Variants in ZMAT4 observed in about 807,000 individuals in gnomAD.
ZMAT4 encodes zinc finger matrin-type 4.
Under a neutral mutation model 28.7 loss-of-function variants are expected in ZMAT4, and 17 were observed. The ratio of observed to expected loss-of-function variants is 0.59; its 90% CI spans 0.41 to 0.89. ZMAT4 has a LOEUF of 0.89. Among genes scored for constraint, ZMAT4 ranks in the 40% least tolerant of loss-of-function variants. The pLI is 0.00. For missense variants in ZMAT4, 240 were observed against 283.8 expected (o/e 0.85, Z 1.11); for synonymous variants, 117 against 109.2 (o/e 1.07, Z -0.44).
chr8:40,538,623 T>C (rs991851505), intron 6 of ZMAT4, among the ~76,000 whole-genome samples: 1 of 152,210 alleles, frequency 6.6e-6, no homozygotes, highest in South Asian at 2.1e-4. Context: ...AGTACCCCTC[T>C]TCTATTCACT....
intron 1 of ZMAT4, among the ~76,000 whole-genome samples, chr8:40,869,813 C>CCTGA (rs1261883351): frequency 3.3e-5 from 5 of 152,316 alleles, no homozygotes; most frequent in African/African-American, 1.2e-4. Context: ...GTTCCACACA[C>CCTGA]CTGAGCACCA....
intron 5 of ZMAT4, among the ~76,000 whole-genome samples, chr8:40,589,921 C>G (rs563444382): frequency 7.6e-6 from 1 of 131,172 alleles, no homozygotes; most frequent in Non-Finnish European, 1.7e-5. Context: ...TCCTCCCTCC[C>G]TCCCTCCCTC....
chr8:40,536,789 CA>C (rs1395162238), intron 6 of ZMAT4, among the ~76,000 whole-genome samples: 1 of 151,498 alleles, frequency 6.6e-6, no homozygotes, highest in Non-Finnish European at 1.5e-5. Context: ...GAGTGGAGAA[CA>C]AAACTTTAAG....
chr8:40,774,021 T>C (rs1586030102), intron 2 of ZMAT4, among the ~76,000 whole-genome samples: 2 of 152,064 alleles, frequency 1.3e-5, no homozygotes, highest in Non-Finnish European at 2.9e-5. Flanking sequence ...AACCTTGTGA[T>C]GGGAAAGTTT....
At chr8:40,732,763 C>A (rs1010630281) in intron 3 of ZMAT4, among the ~76,000 whole-genome samples, 2 of 150,090 alleles carry the variant, frequency 1.3e-5, no homozygotes, top group African/African-American at 4.9e-5. Context: ...GTGGCCTCAA[C>A]TGTGGGAAGA....
chr8:40,718,569 G>A (rs1304907231), intron 3 of ZMAT4, among the ~76,000 whole-genome samples: 1 of 152,116 alleles, frequency 6.6e-6, no homozygotes, highest in Non-Finnish European at 1.5e-5. Flanking sequence ...GGCAAAGGTG[G>A]AGGAAAAACA....
chr8:40,814,192 C>T (rs1361242034), intron 2 of ZMAT4, among the ~76,000 whole-genome samples: 2 of 152,208 alleles, frequency 1.3e-5, no homozygotes, highest in Non-Finnish European at 2.9e-5. Context: ...ATTAAATTCT[C>T]AAATCACAGC....
At chr8:40,846,555 C>T (rs1001691717) in intron 1 of ZMAT4, among the ~76,000 whole-genome samples, 1 of 152,204 alleles carries the variant, frequency 6.6e-6, no homozygotes, top group African/African-American at 2.4e-5. Flanking sequence ...TTTTCATTTC[C>T]TTTGATAAAT....
chr8:40,713,921 C>CAAAAAAAAAAAAAAAAAAAA (rs532317102), intron 3 of ZMAT4, among the ~76,000 whole-genome samples: 55 of 49,282 alleles, frequency 1.1e-3, no homozygotes, highest in Admixed American at 1.7e-3. Context: ...AAAACAAAAC[C>CAAAAAAAAAAAAAAAAAAAA]AAAAAAAAAA....
chr8:40,896,071 A>C (rs201763368), intron 1 of ZMAT4, among the ~76,000 whole-genome samples: 1,801 of 149,886 alleles, frequency 0.012, 35 homozygotes, highest in African/African-American at 0.036. Context: ...CACCCCCCCC[A>C]AAAAAAAAGT....
At chr8:40,838,914 T>G (rs906186664) in intron 1 of ZMAT4, among the ~76,000 whole-genome samples, 11 of 152,098 alleles carry the variant, frequency 7.2e-5, no homozygotes. Flanking sequence ...AATGAAAACA[T>G]CACAGCACCA....
intron 5 of ZMAT4, among the ~76,000 whole-genome samples, chr8:40,596,437 A>G (rs1805106806): frequency 6.6e-6 from 1 of 152,160 alleles, no homozygotes; most frequent in Non-Finnish European, 1.5e-5. Flanking sequence ...AAAACATTTT[A>G]TTTCCTTATA....
At chr8:40,646,775 C>T (rs530019430) in intron 5 of ZMAT4, among the ~76,000 whole-genome samples, 1 of 152,296 alleles carries the variant, frequency 6.6e-6, no homozygotes, top group South Asian at 2.1e-4. Context: ...CACTACTCCA[C>T]TTTCAATATG....
At chr8:40,783,459 G>T (rs1422737678) in intron 2 of ZMAT4, among the ~76,000 whole-genome samples, 1 of 152,182 alleles carries the variant, frequency 6.6e-6, no homozygotes, top group Non-Finnish European at 1.5e-5. Context: ...AGTGAGTTTA[G>T]GGGTTTTGGA....
chr8:40,756,445 TATATATATATATAC>T lies in ZMAT4; in HGVS notation c.192+11182_192+11195del, dbSNP rs200352468. Reference sequence around the variant, plus strand: ...GTTCTTTTATATATATATATATATATATATATATATATACACACTTGTATACCTGAAAAAGAGAT... The same window carrying T: ...GTTCTTTTATATATATATATATATATACACTTGTATACCTGAAAAAGAGAT... On this transcript the variant is annotated intron_variant, in intron 3 of 6. Coordinates refer to ENST00000297737, the MANE Select transcript of ZMAT4 (RefSeq NM_024645.3). Among the ~76,000 whole-genome samples the T allele has an allele frequency of 7.6e-4, 97 of 127,132 alleles. 10 individuals are homozygous for T. In the East Asian group the frequency reaches 0.016, roughly 22 times the overall value. The allele number at this position is 127,132 out of a possible 152,430, so 83.4% of individuals were successfully genotyped here.
chr8:40,667,379 C>T (rs1808463435), intron 5 of ZMAT4, among the ~76,000 whole-genome samples: 1 of 152,174 alleles, frequency 6.6e-6, no homozygotes. Flanking sequence ...TGGTCTCAGT[C>T]TCCTGACCTC....
intron 3 of ZMAT4, among the ~76,000 whole-genome samples, chr8:40,714,679 T>A (rs749172246): frequency 2.6e-5 from 4 of 152,162 alleles, no homozygotes; most frequent in African/African-American, 4.8e-5. Context: ...GACAAGTAAG[T>A]AAAATGTAGA....
intron 3 of ZMAT4, among the ~76,000 whole-genome samples, chr8:40,757,224 AC>A (rs1355940379): frequency 6.6e-6 from 1 of 152,114 alleles, no homozygotes; most frequent in Non-Finnish European, 1.5e-5. Context: ...GGTGACTCAA[AC>A]TTTTCACTAC....
At chr8:40,648,259 A>C (rs1203789494) in intron 5 of ZMAT4, among the ~76,000 whole-genome samples, 4 of 152,086 alleles carry the variant, frequency 2.6e-5, no homozygotes, top group South Asian at 4.1e-4. Context: ...ACCAAGGCTC[A>C]AGAGCTACGT....
Sources: gnomAD v4.1 joint callset for allele counts (sites outside exome capture counted in the v4.1 genomes callset) on GRCh38, gnomAD v4.1.1 for gene constraint, MANE v1.5 for transcripts, NCBI Gene and HGNC (gene_info 2026-07-23, HGNC 2026-07-21) for gene names.